SEC23A: variants seen among roughly 807,000 people sequenced by gnomAD.
The protein encoded by SEC23A is SEC23 homolog A, COPII component.
A neutral mutation model predicts 103.7 loss-of-function variants in SEC23A; 56 were observed. The observed-to-expected ratio is 0.54, with a 90% CI of 0.44 to 0.67. SEC23A has a LOEUF of 0.67. SEC23A is among the 30% of genes least tolerant of loss of function. The pLI is 0.00. For synonymous variants in SEC23A, 281 were observed against 293.0 expected, an observed-to-expected ratio of 0.96 and a Z score of 0.42; for missense variants, 784 against 936.4, an observed-to-expected ratio of 0.84 and a Z score of 2.12.
chr14:39,061,989 C>T (rs2139226214), intron 12 of SEC23A, 118 bp from the exon 13 acceptor site: 2 of 724,892 alleles, frequency 2.8e-6, no homozygotes, highest in Middle Eastern at 2.5e-4. Context: ...TAGAAGGATA[C>T]TTATTTCCAG....
At chr14:39,088,875 A>G (rs1002644977) in intron 5 of SEC23A, among the ~76,000 whole-genome samples, 1 of 151,552 alleles carries the variant, frequency 6.6e-6, no homozygotes, top group Admixed American at 6.6e-5. Context: ...TCTACTAAAA[A>G]ATACAAAAAT....
intron 1 of SEC23A, among the ~76,000 whole-genome samples, chr14:39,097,232 C>T (rs1037036800): frequency 6.6e-6 from 1 of 152,128 alleles, no homozygotes; most frequent in African/African-American, 2.4e-5. Flanking sequence ...GGTAGGATGC[C>T]GGCTTTCCTA....
At chr14:39,068,096 C>T (rs1354237011) in intron 9 of SEC23A, among the ~76,000 whole-genome samples, 2 of 152,004 alleles carry the variant, frequency 1.3e-5, no homozygotes, top group Non-Finnish European at 2.9e-5. Context: ...TCACTTTTTG[C>T]ACTTATTTTT....
At chr14:39,055,941 T>C (rs1055856853) in intron 13 of SEC23A, among the ~76,000 whole-genome samples, 1 of 152,246 alleles carries the variant, frequency 6.6e-6, no homozygotes, top group Non-Finnish European at 1.5e-5. Context: ...CGGGACTGGA[T>C]TGCAACCATC....
intron 7 of SEC23A, 27 bp downstream of exon 7, chr14:39,085,735 A>T (rs1024915005): frequency 2.0e-6 from 3 of 1,522,168 alleles, no homozygotes; most frequent in Non-Finnish European, 1.8e-6. Context: ...CACACTTTAC[A>T]TTCCAAAACA....
intron 10 of SEC23A, among the ~76,000 whole-genome samples, chr14:39,066,318 T>C (rs1412436168): frequency 2.0e-5 from 3 of 152,142 alleles, no homozygotes; most frequent in Non-Finnish European, 4.4e-5. Context: ...AAATTCAAAA[T>C]TAATGTGCTT....
chr14:39,099,033 T>C (rs2139304525), intron 1 of SEC23A, among the ~76,000 whole-genome samples: 1 of 152,136 alleles, frequency 6.6e-6, no homozygotes, highest in Non-Finnish European at 1.5e-5. Context: ...ACTTAGGTAT[T>C]ACACAGATAT....
intron 18 of SEC23A, 29 bp from the exon 19 acceptor site, chr14:39,039,125 C>G: frequency 1.3e-6 from 2 of 1,595,360 alleles, no homozygotes; most frequent in Non-Finnish European, 1.7e-6. Context: ...ATAACATTAT[C>G]CATCAAAAAT....
intron 14 of SEC23A, among the ~76,000 whole-genome samples, chr14:39,052,618 C>G (rs1047677736): frequency 4.6e-5 from 7 of 152,304 alleles, no homozygotes; most frequent in African/African-American, 1.7e-4. Context: ...TACTACAAAT[C>G]ACAGCCATTT....
intron 7 of SEC23A, among the ~76,000 whole-genome samples, chr14:39,081,660 T>A (rs545057768): frequency 3.9e-5 from 6 of 152,280 alleles, no homozygotes; most frequent in African/African-American, 1.4e-4. Flanking sequence ...AGGTTTCTCA[T>A]AGAGAATGAG....
At chr14:39,096,595 A>C (rs1263543131) in intron 1 of SEC23A, among the ~76,000 whole-genome samples, 1 of 152,110 alleles carries the variant, frequency 6.6e-6, no homozygotes. Flanking sequence ...CAAGCAACTC[A>C]TAACAAAATA....
At chr14:39,043,634 G>T (rs185248861) in intron 16 of SEC23A, among the ~76,000 whole-genome samples, 1 of 152,314 alleles carries the variant, frequency 6.6e-6, no homozygotes, top group East Asian at 1.9e-4. Context: ...GACAGGGAAA[G>T]CCAGAAGATT....
chr14:39,042,550 C>A (rs923345461), intron 17 of SEC23A, among the ~76,000 whole-genome samples: 1 of 152,222 alleles, frequency 6.6e-6, no homozygotes. Flanking sequence ...ACTTTCACAA[C>A]ACTGTGCTTT....
At chr14:39,088,897 G>A (rs547893405) in intron 5 of SEC23A, among the ~76,000 whole-genome samples, 20 of 151,654 alleles carry the variant, frequency 1.3e-4, no homozygotes, top group Admixed American at 4.6e-4. Context: ...GGCCAGGCGC[G>A]GTGGCTCACG....
intron 14 of SEC23A, among the ~76,000 whole-genome samples, chr14:39,049,724 A>C (rs1885984004): frequency 6.6e-6 from 1 of 151,620 alleles, no homozygotes; most frequent in African/African-American, 2.4e-5. Flanking sequence ...GCTACTCTGT[A>C]AGCCATGATC....
chr14:39,038,246 G>C (rs1011308050), intron 19 of SEC23A, among the ~76,000 whole-genome samples: 1 of 151,932 alleles, frequency 6.6e-6, no homozygotes, highest in Non-Finnish European at 1.5e-5. Flanking sequence ...TTTTTTCTGA[G>C]CTCTTTTCTG....
At chr14:39,039,136 G>C (rs1484027714) in intron 18 of SEC23A, 40 bp from the exon 19 acceptor site, 1 of 1,542,822 alleles carries the variant, frequency 6.5e-7, no homozygotes. Context: ...CATCAAAAAT[G>C]GTTTCAGTCA....
intron 13 of SEC23A, among the ~76,000 whole-genome samples, chr14:39,060,113 G>GTA (rs976727588): frequency 3.2e-4 from 49 of 151,912 alleles, no homozygotes; most frequent in African/African-American, 9.7e-4. Flanking sequence ...ATGTGTGTGT[G>GTA]TGTGCACACA....
At chr14:39,099,304 G>A (rs375598480) in intron 1 of SEC23A, among the ~76,000 whole-genome samples, 4 of 151,644 alleles carry the variant, frequency 2.6e-5, no homozygotes, top group African/African-American at 7.3e-5. Context: ...GACTACATGC[G>A]CGTGCCACCA....
Sources: gnomAD v4.1 joint callset for allele counts (sites outside exome capture counted in the v4.1 genomes callset) on GRCh38, gnomAD v4.1.1 for gene constraint, MANE v1.5 for transcripts, NCBI Gene and HGNC (gene_info 2026-07-23, HGNC 2026-07-21) for gene names.